KLC1: variants seen among roughly 807,000 people sequenced by gnomAD.
The protein encoded by KLC1 is kinesin light chain 1, also known as kinesin 2 60/70kDa.
A neutral mutation model predicts 84.2 loss-of-function variants in KLC1; 30 were observed. The ratio of observed to expected loss-of-function variants is 0.36; its 90% CI spans 0.27 to 0.48. The LOEUF (loss-of-function observed/expected upper bound fraction) is 0.48. Ranked by LOEUF, KLC1 falls within the 20% of genes least tolerant of loss-of-function variation. KLC1 has a pLI of 0.99. For missense variants in KLC1, 499 were observed against 805.4 expected (o/e 0.62, Z 4.60); for synonymous variants, 289 against 293.3 (o/e 0.99, Z 0.15).
intron 1 of KLC1, among the ~76,000 whole-genome samples, chr14:103,648,164 T>A (rs1459653683): frequency 1.3e-5 from 2 of 152,060 alleles, no homozygotes; most frequent in Admixed American, 1.3e-4. Context: ...TTGGCCAGGA[T>A]GGTCTCAATC....
chr14:103,658,032 A>G (rs1357910416), intron 3 of KLC1, among the ~76,000 whole-genome samples: 1 of 152,128 alleles, frequency 6.6e-6, no homozygotes, highest in Non-Finnish European at 1.5e-5. Flanking sequence ...CTTGGCTTCC[A>G]TGCCATCAGC....
chr14:103,653,421 A>G (rs1236114227), intron 1 of KLC1, among the ~76,000 whole-genome samples: 4 of 152,186 alleles, frequency 2.6e-5, no homozygotes, highest in African/African-American at 9.7e-5. Flanking sequence ...TCCCGGGCTC[A>G]AGTGATTCTC....
chr14:103,696,102 C>G (rs1419962348), intron 15 of KLC1: 6 of 510,806 alleles, frequency 1.2e-5, no homozygotes, highest in African/African-American at 7.2e-5. Flanking sequence ...GCCCCCGCCC[C>G]CCGCCCCCCC....
Position 103,685,236 on chromosome 14 carries a change from G to A in KLC1, c.1651-1845G>A, listed in dbSNP as rs898706648. ...AAAGTTTCTGAAATGTCTAAAATGT[G>A]TTTTTAAGAGAATGAAAGTCATACC... On this transcript the variant is annotated intron_variant, in intron 13 of 16. Transcript: ENST00000334553. 5.7e-6 allele frequency: 8 copies of A among 1,403,274 alleles called. No individual in the cohort carries two copies. The Middle Eastern group carries it at 7.9e-4, about 139-fold the overall frequency. The allele number at this position is 1,403,274 out of a possible 1,614,324, so 86.9% of individuals were successfully genotyped here. A position where few individuals can be genotyped will look rare whatever the true frequency, so the allele number is the denominator to read the frequency against.
chr14:103,692,349 C>G lies in KLC1; in HGVS notation c.1782-10C>G. On this transcript the variant is annotated splice_polypyrimidine_tract_variant and intron_variant, in intron 14 of 16. Transcript: ENST00000334553. ...TCGTTTGTCCTTGCATGTCCGTGTC[C>G]GGGTTGCAGCATGAAGCGTGCCAGC... The G allele has an allele frequency of 6.5e-7, 1 of 1,536,432 alleles. No homozygotes were observed. The highest frequency in any genetic ancestry group is 2.4e-5 in the East Asian group (1 of 40,912).
At position 103,666,298 on chromosome 14, in the gene KLC1, T is replaced by C. The variant is rs192413935; in HGVS notation, c.798-3213T>C. On this transcript the variant is annotated intron_variant, in intron 5 of 16. Coordinates refer to ENST00000334553, the MANE Select transcript of KLC1 (RefSeq NM_001394837.1). Reference sequence around the variant, plus strand: ...CAGGATGGTCTTGATCTCCTGACCTTGTGATCCACCCGCCTTGGCCTCCCA... The same window carrying C: ...CAGGATGGTCTTGATCTCCTGACCTCGTGATCCACCCGCCTTGGCCTCCCA... Among the ~76,000 whole-genome samples the C allele has an allele frequency of 5.3e-3, 808 of 152,066 alleles. 3 individuals are homozygous for C. The highest frequency in any genetic ancestry group is 9.1e-3 in the Non-Finnish European group (617 of 67,962).
At chr14:103,673,569 T>C in intron 9 of KLC1, 138 bp downstream of exon 9, 1 of 586,668 alleles carries the variant, frequency 1.7e-6, no homozygotes, top group Non-Finnish European at 2.9e-6. Flanking sequence ...AAATGTGTGA[T>C]TTCACTTCAC....
intron 13 of KLC1, chr14:103,684,696 G>A (rs1567037201): frequency 3.4e-6 from 1 of 293,290 alleles, no homozygotes; most frequent in African/African-American, 2.2e-5. Flanking sequence ...AGAGGGGAGA[G>A]AGAGCATGAG....
chr14:103,652,253 CT>C (rs905618047), intron 1 of KLC1, among the ~76,000 whole-genome samples: 6 of 152,266 alleles, frequency 3.9e-5, no homozygotes, highest in African/African-American at 1.4e-4. Context: ...ACATTTTAAT[CT>C]TGTTTGTTGA....
At chr14:103,695,919 G>C (rs1413034521) in intron 15 of KLC1, 1 of 985,306 alleles carries the variant, frequency 1.0e-6, no homozygotes, top group Non-Finnish European at 1.2e-6. Flanking sequence ...CCACCCAATA[G>C]AAGTGCGGTG....
intron 13 of KLC1, among the ~76,000 whole-genome samples, chr14:103,680,789 A>G (rs2081285598): frequency 6.6e-6 from 1 of 152,222 alleles, no homozygotes; most frequent in African/African-American, 2.4e-5. Context: ...GTATAGAAGG[A>G]CAAGTCCTTT....
chr14:103,660,526 T>C (rs1229063646), intron 3 of KLC1, among the ~76,000 whole-genome samples: 1 of 150,684 alleles, frequency 6.6e-6, no homozygotes, highest in Non-Finnish European at 1.5e-5. Flanking sequence ...CGGTGGCTCA[T>C]GCCTGTAATC....
intron 1 of KLC1, among the ~76,000 whole-genome samples, chr14:103,643,882 A>T (rs936409522): frequency 1.3e-5 from 2 of 151,144 alleles, no homozygotes; most frequent in Admixed American, 6.6e-5. Context: ...GCCCGAAGGC[A>T]TTTGTTTAAT....
At chr14:103,677,198 A>G (rs1285881429) in intron 11 of KLC1, among the ~76,000 whole-genome samples, 1 of 152,228 alleles carries the variant, frequency 6.6e-6, no homozygotes, top group East Asian at 1.9e-4. Flanking sequence ...CCTGGCCTGC[A>G]GGGGCTGTCT....
rs558703475 is a variant in KLC1, at chr14:103,668,995, G to A, written c.798-516G>A. On this transcript the variant is annotated intron_variant, in intron 5 of 16. Transcript: ENST00000334553. ...GGGTTTCACCATGTTAGCCAGGATG[G>A]TCTCGATCTCCTGACCTCGTGATCT... Among the ~76,000 whole-genome samples, 143 of 149,932 alleles carry A rather than the reference G, an allele frequency of 9.5e-4. 1 individual carries two copies. Among genetic ancestry groups the A allele is most frequent in the Middle Eastern group, 3.4e-3 (1 of 290 alleles).
At chr14:103,698,489 A>T (rs967414130) in intron 15 of KLC1, 2 of 423,472 alleles carry the variant, frequency 4.7e-6, no homozygotes, top group Non-Finnish European at 8.8e-6. Flanking sequence ...CCAGGGAGTC[A>T]CTGTAGGACA....
chr14:103,655,784 A>G lies in KLC1; in HGVS notation c.261+959A>G, dbSNP rs114544004. 5.5e-3 allele frequency among the ~76,000 whole-genome samples: 834 copies of G among 152,096 alleles called. 10 individuals carry two copies. The highest frequency in any genetic ancestry group is 0.019 in the African/African-American group (792 of 41,482). ...CCACCATTCCTGGCTAATTTTTTGT[A>G]TTTTTAGTAGAAACTAAAATGTTGG... On this transcript the variant is annotated intron_variant, in intron 2 of 16. Coordinates refer to ENST00000334553, the MANE Select transcript of KLC1 (RefSeq NM_001394837.1).
chr14:103,677,397 T>A lies in KLC1; in HGVS notation c.1380-18T>A, dbSNP rs1185507061. On this transcript the variant is annotated intron_variant, in intron 11 of 16. Coordinates refer to ENST00000334553, the MANE Select transcript of KLC1 (RefSeq NM_001394837.1). ...AGCTTATATGTCATAGTTCTGTATG[T>A]CATGTGCTTTCTTACAGTCCAACTG... The A allele has an allele frequency of 1.4e-6, 2 of 1,445,238 alleles. No homozygotes were observed. The highest frequency in any genetic ancestry group is 1.9e-6 in the Non-Finnish European group (2 of 1,025,830). The allele number at this position is 1,445,238 out of a possible 1,614,324, so 89.5% of individuals were successfully genotyped here.
At chr14:103,634,760 T>A (rs987694498) in intron 1 of KLC1, among the ~76,000 whole-genome samples, 1 of 152,094 alleles carries the variant, frequency 6.6e-6, no homozygotes, top group Admixed American at 6.6e-5. Flanking sequence ...ATATAGTTTA[T>A]GTAGAGACGG....
Sources: gnomAD v4.1 joint callset for allele counts (sites outside exome capture counted in the v4.1 genomes callset) on GRCh38, gnomAD v4.1.1 for gene constraint, MANE v1.5 for transcripts, NCBI Gene and HGNC (gene_info 2026-07-23, HGNC 2026-07-21) for gene names.